The following ABLIM1 variants were observed in gnomAD, a reference collection of about 807,000 sequenced individuals.
ABLIM1 encodes the protein actin binding LIM protein 1, also known as actin-binding LIM protein 1.
Under a neutral mutation model 107.0 loss-of-function variants are expected in ABLIM1, and 40 were observed. The ratio of observed to expected loss-of-function variants is 0.37; its 90% CI spans 0.29 to 0.49. ABLIM1 has a LOEUF of 0.49. ABLIM1 is among the 20% of genes least tolerant of loss of function. The pLI, the probability that ABLIM1 is intolerant of heterozygous loss-of-function variation, is 0.97. For synonymous variants in ABLIM1, 357 were observed against 357.3 expected, an observed-to-expected ratio of 1.00 and a Z score of 0.01; for missense variants, 857 against 1,008.5, an observed-to-expected ratio of 0.85 and a Z score of 2.04.
At chr10:114,610,314 T>C (rs140050909) in intron 1 of ABLIM1, among the ~76,000 whole-genome samples, 39 of 152,316 alleles carry the variant, frequency 2.6e-4, no homozygotes, top group African/African-American at 8.2e-4. Flanking sequence ...ATTGGAAATC[T>C]CTCTCTGGTT....
At chr10:114,457,261 T>C (rs1164203264) in intron 12 of ABLIM1, among the ~76,000 whole-genome samples, 1 of 152,062 alleles carries the variant, frequency 6.6e-6, no homozygotes, top group African/African-American at 2.4e-5. Context: ...ACCTTATCTG[T>C]ATTTATTTTT....
At chr10:114,582,026 C>A (rs756018971) in intron 2 of ABLIM1, among the ~76,000 whole-genome samples, 15 of 151,888 alleles carry the variant, frequency 9.9e-5, no homozygotes, top group African/African-American at 3.1e-4. Context: ...AGCAATTAGG[C>A]AAGAGAAAGA....
chr10:114,592,325 C>T (rs2074973694), intron 2 of ABLIM1, among the ~76,000 whole-genome samples: 1 of 152,066 alleles, frequency 6.6e-6, no homozygotes, highest in Non-Finnish European at 1.5e-5. Context: ...ATAGTAAGTG[C>T]AAAGGTCCTG....
chr10:114,700,359 C>A (rs1327455641), intron 1 of ABLIM1, among the ~76,000 whole-genome samples: 3 of 152,032 alleles, frequency 2.0e-5, no homozygotes, highest in Non-Finnish European at 4.4e-5. Flanking sequence ...ATCCTTATTT[C>A]TCTGAAATTA....
chr10:114,648,473 T>C (rs530493519), intron 1 of ABLIM1, among the ~76,000 whole-genome samples: 36 of 152,228 alleles, frequency 2.4e-4, no homozygotes, highest in African/African-American at 8.4e-4. Context: ...ATGTCTGGAA[T>C]AGGAAAACCC....
intron 6 of ABLIM1, among the ~76,000 whole-genome samples, chr10:114,515,608 C>T (rs1250318608): frequency 6.6e-6 from 1 of 152,124 alleles, no homozygotes; most frequent in Non-Finnish European, 1.5e-5. Flanking sequence ...TGACTTGTGT[C>T]CCCCAAAAAG....
rs1228680038 is a variant in ABLIM1, at chr10:114,629,884, C to A, written c.245-27923G>T. On this transcript the variant is annotated intron_variant, in intron 1 of 22. Coordinates refer to ENST00000533213, the MANE Select transcript of ABLIM1 (RefSeq NM_002313.7). This position sits in a 1 kb window ranked among gnomAD's most constrained non-coding sequence, Gnocchi z 4.0. ...AATGAAACGAAACGAAACAAACCTG[C>A]CTTTCTCTGTTGATGGCTGAGGTCA... Among the ~76,000 whole-genome samples the A allele has an allele frequency of 6.6e-6, 1 of 152,098 alleles. No individual in the cohort carries two copies. The highest frequency in any genetic ancestry group is 2.4e-5 in the African/African-American group (1 of 41,430).
chr10:114,702,349 T>C (rs556726674), intron 1 of ABLIM1, among the ~76,000 whole-genome samples: 1 of 152,286 alleles, frequency 6.6e-6, no homozygotes, highest in East Asian at 1.9e-4. Context: ...TTTAATGAGA[T>C]GAATGAAACA....
At chr10:114,603,562 C>A (rs1474908781) in intron 1 of ABLIM1, among the ~76,000 whole-genome samples, 1 of 151,610 alleles carries the variant, frequency 6.6e-6, no homozygotes, top group African/African-American at 2.4e-5. Context: ...GAGGGACATG[C>A]TCTCAAGATC....
rs138395382 is a variant in ABLIM1, at chr10:114,623,980, G to A, written c.245-22019C>T. Among the ~76,000 whole-genome samples, 121 of 152,224 alleles carry A rather than the reference G, an allele frequency of 7.9e-4. 3 individuals are homozygous for A. In the East Asian group the frequency reaches 0.023, roughly 29 times the overall value. The stretch of plus-strand genomic sequence containing the variant: ...CAAATACAATGTTTCAGAGAAAAGA[G>A]GTCATGCATAACAAATTTTCGCTCT... On this transcript the variant is annotated intron_variant, in intron 1 of 22. Coordinates refer to ENST00000533213, the MANE Select transcript of ABLIM1 (RefSeq NM_002313.7).
At chr10:114,517,467 G>A (rs958145186) in intron 6 of ABLIM1, among the ~76,000 whole-genome samples, 23 of 152,116 alleles carry the variant, frequency 1.5e-4, no homozygotes, top group Non-Finnish European at 2.4e-4. Context: ...ACTCCACACC[G>A]ACAACACTTT....
chr10:114,801,058 G>A, the ABLIM1 span, among the ~76,000 whole-genome samples: 1 of 152,060 alleles, frequency 6.6e-6, no homozygotes, highest in Admixed American at 6.6e-5. Flanking sequence ...CATTTTGTAT[G>A]GTATATATAC....
chr10:114,480,910 T>C lies in ABLIM1; in HGVS notation c.1042-6954A>G, dbSNP rs148080221. Among the ~76,000 whole-genome samples, 51 of 152,322 alleles carry C rather than the reference T, an allele frequency of 3.3e-4. 1 individual carries two copies. The East Asian group carries it at 7.9e-3, about 24-fold the overall frequency. ...AAGACTAGCAGTTCAACAGGAGAGA[T>C]AAAACATGGCATTTAATTACAAATA... On this transcript the variant is annotated intron_variant, in intron 8 of 22. Coordinates refer to ENST00000533213, the MANE Select transcript of ABLIM1 (RefSeq NM_002313.7).
chr10:114,558,242 A>G (rs1248216412), intron 4 of ABLIM1, among the ~76,000 whole-genome samples: 1 of 152,210 alleles, frequency 6.6e-6, no homozygotes, highest in Non-Finnish European at 1.5e-5. Flanking sequence ...CAGGATGTGA[A>G]CAGGAAACTA....
upstream of ABLIM1, among the ~76,000 whole-genome samples, chr10:114,659,170 G>C (rs2079668418): frequency 6.6e-6 from 1 of 151,990 alleles, no homozygotes; most frequent in African/African-American, 2.4e-5. Context: ...AGCTGACAAG[G>C]CCATCAAAGG....
Position 114,572,073 on chromosome 10 carries a change from A to G in ABLIM1, c.564-667T>C, listed in dbSNP as rs139659441. Among the ~76,000 whole-genome samples the G allele has an allele frequency of 2.0e-3, 306 of 152,354 alleles. 1 individual carries two copies. Among genetic ancestry groups the G allele is most frequent in the African/African-American group, 7.0e-3 (293 of 41,588 alleles). On this transcript the variant is annotated intron_variant, in intron 3 of 22. Transcript: ENST00000533213. ...CAATAGCAGCACATTTTGCAAAAAT[A>G]TTGCCTTCTGCATGTAGATAATCAG...
intron 6 of ABLIM1, among the ~76,000 whole-genome samples, chr10:114,536,657 C>A (rs371746375): frequency 1.4e-4 from 22 of 152,258 alleles, no homozygotes; most frequent in African/African-American, 4.8e-4. Context: ...GATATACCAC[C>A]TTTTGCTTAA....
chr10:114,686,792 CTATT>C (rs1180023872), upstream of ABLIM1, among the ~76,000 whole-genome samples: 1 of 151,536 alleles, frequency 6.6e-6, no homozygotes, highest in Non-Finnish European at 1.5e-5. Context: ...CCATGCCCGG[CTATT>C]TTTTTTTTTT....
intron 8 of ABLIM1, 72 bp downstream of exon 8, chr10:114,487,886 C>G: frequency 1.3e-6 from 2 of 1,559,108 alleles, no homozygotes; most frequent in East Asian, 2.2e-5. Context: ...TAAACCCTAG[C>G]CCCAAGAATT....
Sources: gnomAD v4.1 joint callset for allele counts (sites outside exome capture counted in the v4.1 genomes callset) on GRCh38, gnomAD v4.1.1 for gene constraint, Gnocchi (gnomAD v3.1) non-coding constraint, MANE v1.5 for transcripts, NCBI Gene and HGNC (gene_info 2026-07-23, HGNC 2026-07-21) for gene names.